MYT1L: variants seen among roughly 807,000 people sequenced by gnomAD.
MYT1L encodes myelin transcription factor 1 like.
MYT1L carries 12 observed loss-of-function variants against 126.7 expected under a neutral mutation model. The observed-to-expected ratio is 0.09, with a 90% CI of 0.06 to 0.15. MYT1L has a LOEUF of 0.15. Ranked by LOEUF, MYT1L falls within the 10% of genes least tolerant of loss-of-function variation. MYT1L has a pLI of 1.00. For synonymous variants in MYT1L, 541 were observed against 604.2 expected (o/e 0.90, Z 1.53); for missense variants, 979 against 1,585.2 (o/e 0.62, Z 6.49).
At chr2:2,139,626 G>A (rs893735181) in intron 3 of MYT1L, among the ~76,000 whole-genome samples, 7 of 151,500 alleles carry the variant, frequency 4.6e-5, no homozygotes, top group African/African-American at 1.5e-4. Context: ...GTGACAGAGC[G>A]ACACTCCATC....
chr2:1,896,587 G>C (rs2049604222), intron 14 of MYT1L, among the ~76,000 whole-genome samples: 1 of 152,198 alleles, frequency 6.6e-6, no homozygotes, highest in Non-Finnish European at 1.5e-5. Context: ...AATTAATGCA[G>C]GGACAGAAAA....
At chr2:2,232,186 T>G (rs75853882) in intron 2 of MYT1L, among the ~76,000 whole-genome samples, 2,317 of 152,208 alleles carry the variant, frequency 0.015, 26 homozygotes, top group Middle Eastern at 0.034. Context: ...GATGGCTGAG[T>G]GCATAACAGG....
Position 1,979,272 on chromosome 2 carries a change from G to A in MYT1L, c.90-45C>T, listed in dbSNP as rs779023864. The A allele has an allele frequency of 4.6e-5, 72 of 1,563,160 alleles. 1 individual carries two copies. The highest frequency in any genetic ancestry group is 5.8e-5 in the Non-Finnish European group (66 of 1,136,372). On this transcript the variant is annotated intron_variant, in intron 7 of 24. Coordinates refer to ENST00000647738, the MANE Select transcript of MYT1L (RefSeq NM_001303052.2). The surrounding 1 kb of genome is among the most constrained non-coding windows in gnomAD (Gnocchi z 4.0). ...ATTACACGGTGCCGCAGGCAGGCAG[G>A]TGAGACGGAAAGCTTCCGTGGCAGC...
In MYT1L at chr2:1,845,683, G is replaced by C. The variant is rs895352480; in HGVS notation, c.2775-4840C>G. Among the ~76,000 whole-genome samples the C allele has an allele frequency of 2.6e-5, 4 of 152,320 alleles. No individual in the cohort carries two copies. The East Asian group carries it at 7.7e-4, about 29-fold the overall frequency. ...CGTCTCTCAGCAGCCCGCTGTCTAG[G>C]CTAAAAGCTAAGCCTGCACTTGGGT... On this transcript the variant is annotated intron_variant, in intron 19 of 24. Transcript: ENST00000647738.
intron 14 of MYT1L, among the ~76,000 whole-genome samples, chr2:1,896,133 G>A (rs2049532109): frequency 1.3e-5 from 2 of 152,116 alleles, no homozygotes; most frequent in Admixed American, 1.3e-4. Flanking sequence ...CAAAACCACA[G>A]TGAGACAGCA....
chr2:2,028,648 T>C (rs1470361250), intron 4 of MYT1L, among the ~76,000 whole-genome samples: 2 of 152,114 alleles, frequency 1.3e-5, no homozygotes, highest in Non-Finnish European at 2.9e-5. Flanking sequence ...GTCAGGAGTA[T>C]GGTATAAGAT....
chr2:1,852,682 C>T lies in MYT1L; in HGVS notation c.2712-979G>A, dbSNP rs1337666717. ...AATGTAAAAATTAAGAAAAAATTCC[C>T]TTTATTTCCATTACATTTGTAATTC... On this transcript the variant is annotated intron_variant, in intron 18 of 24. Coordinates refer to ENST00000647738, the MANE Select transcript of MYT1L (RefSeq NM_001303052.2). This position sits in a 1 kb window ranked among gnomAD's most constrained non-coding sequence, Gnocchi z 4.0. 1.3e-5 allele frequency among the ~76,000 whole-genome samples: 2 copies of T among 152,034 alleles called. No homozygotes were observed. The highest frequency in any genetic ancestry group is 4.8e-5 in the African/African-American group (2 of 41,380).
At chr2:2,017,217 G>A (rs963790613) in intron 4 of MYT1L, among the ~76,000 whole-genome samples, 3 of 152,226 alleles carry the variant, frequency 2.0e-5, no homozygotes, top group Non-Finnish European at 4.4e-5. Context: ...AGGCCAGCAG[G>A]CGCCTGCACT....
intron 3 of MYT1L, among the ~76,000 whole-genome samples, chr2:2,150,668 T>C (rs1225568971): frequency 1.3e-5 from 2 of 152,316 alleles, no homozygotes; most frequent in East Asian, 3.9e-4. Context: ...TTCTTACACC[T>C]TAGATTCTCT....
chr2:2,204,826 A>G lies in MYT1L; in HGVS notation c.-420-31838T>C, dbSNP rs1000705351. Among the ~76,000 whole-genome samples, 12 of 152,050 alleles carry G rather than the reference A, an allele frequency of 7.9e-5. 1 individual carries two copies. The highest frequency in any genetic ancestry group is 7.9e-4 in the Admixed American group (12 of 15,254). ...ACACATGCACACATATGTTTATTGCAGCACTATTCACAATAGCTAAGACTT... is the reference window on the plus strand; with the variant it reads ...ACACATGCACACATATGTTTATTGCGGCACTATTCACAATAGCTAAGACTT... On this transcript the variant is annotated intron_variant, in intron 2 of 24. Transcript: ENST00000647738.
At chr2:2,236,358 C>A (rs1190997172) in intron 2 of MYT1L, among the ~76,000 whole-genome samples, 2 of 147,750 alleles carry the variant, frequency 1.4e-5, no homozygotes. Context: ...ACATCCCAAC[C>A]CACCCCAGTA....
chr2:1,966,053 G>T (rs1326055063), intron 8 of MYT1L, among the ~76,000 whole-genome samples: 1 of 152,232 alleles, frequency 6.6e-6, no homozygotes, highest in Non-Finnish European at 1.5e-5. Flanking sequence ...AGGCTCCTGT[G>T]CTGGGAACAA....
intron 2 of MYT1L, among the ~76,000 whole-genome samples, chr2:2,266,395 T>C (rs2095130755): frequency 6.6e-6 from 1 of 152,050 alleles, no homozygotes; most frequent in African/African-American, 2.4e-5. Flanking sequence ...TCACACAAAC[T>C]GTGCAGTGAG....
chr2:1,932,164 C>A (rs1217074380), intron 9 of MYT1L, among the ~76,000 whole-genome samples: 2 of 152,140 alleles, frequency 1.3e-5, no homozygotes, highest in African/African-American at 2.4e-5. Flanking sequence ...TAAGCTGCAA[C>A]AACATGTCTC....
intron 2 of MYT1L, among the ~76,000 whole-genome samples, chr2:2,248,306 T>C (rs2094572247): frequency 6.6e-6 from 1 of 152,012 alleles, no homozygotes; most frequent in South Asian, 2.1e-4. Flanking sequence ...CCTAGACACA[T>C]GCAACCTACC....
intron 1 of MYT1L, among the ~76,000 whole-genome samples, chr2:2,285,997 T>C (rs2095514789): frequency 6.6e-6 from 1 of 152,002 alleles, no homozygotes; most frequent in African/African-American, 2.4e-5. Context: ...TCCTTTTTTT[T>C]TGTGAGATGG....
chr2:2,136,617 T>A (rs2083090594), intron 3 of MYT1L, among the ~76,000 whole-genome samples: 1 of 152,234 alleles, frequency 6.6e-6, no homozygotes, highest in South Asian at 2.1e-4. Context: ...CTCTATTAAT[T>A]TTTAATCATG....
At chr2:1,992,767 T>C (rs548561088) in intron 5 of MYT1L, among the ~76,000 whole-genome samples, 2 of 152,334 alleles carry the variant, frequency 1.3e-5, no homozygotes, top group African/African-American at 4.8e-5. Flanking sequence ...CCTTCTTGCC[T>C]GGGGACTACA....
intron 4 of MYT1L, among the ~76,000 whole-genome samples, chr2:2,004,005 GCCTTCTTTCCTGCAT>G: frequency 7.3e-6 from 1 of 136,448 alleles, no homozygotes; most frequent in Non-Finnish European, 1.7e-5. Flanking sequence ...TTTCCTGCAT[GCCTTCTTTCCTGCAT>G]GCCTTCTTTC....
Sources: allele counts gnomAD v4.1 joint callset (sites outside exome capture counted in the v4.1 genomes callset), GRCh38; gene constraint gnomAD v4.1.1; non-coding constraint Gnocchi (gnomAD v3.1); transcripts MANE v1.5; gene names NCBI Gene and HGNC (gene_info 2026-07-23, HGNC 2026-07-21).